The following SEMA3D variants were observed in gnomAD, a reference collection of about 807,000 sequenced individuals.
The protein encoded by SEMA3D is semaphorin 3D.
SEMA3D carries 84 observed loss-of-function variants against 100.1 expected under a neutral mutation model. The observed-to-expected ratio is 0.84, with a 90% CI of 0.70 to 1.01. SEMA3D has a LOEUF of 1.01. Ranked by LOEUF, SEMA3D falls within the 50% of genes least tolerant of loss-of-function variation. The pLI is 0.00. For missense variants in SEMA3D, 875 were observed against 934.1 expected (o/e 0.94, Z 0.82); for synonymous variants, 312 against 320.7 (o/e 0.97, Z 0.29).
chr7:85,085,668 AG>A, intron 4 of SEMA3D, among the ~76,000 whole-genome samples: 1 of 152,174 alleles, frequency 6.6e-6, no homozygotes, highest in East Asian at 1.9e-4. Flanking sequence ...CACCGTGCCC[AG>A]GGAGCACTGT....
chr7:85,055,677 TATATATATG>T, intron 9 of SEMA3D, 31 bp downstream of exon 9: 3 of 217,022 alleles, frequency 1.4e-5, no homozygotes, highest in Non-Finnish European at 2.4e-5. Flanking sequence ...TATATATATA[TATATATATG>T]TTTTAAGTAA....
the SEMA3D span, among the ~76,000 whole-genome samples, chr7:85,210,417 T>A: frequency 6.6e-6 from 1 of 152,066 alleles, no homozygotes; most frequent in Non-Finnish European, 1.5e-5. Flanking sequence ...TATTTGACAT[T>A]CCATAGTTAA....
At chr7:85,024,844 T>A (rs1344895721) in intron 12 of SEMA3D, among the ~76,000 whole-genome samples, 1 of 151,964 alleles carries the variant, frequency 6.6e-6, no homozygotes, top group Non-Finnish European at 1.5e-5. Flanking sequence ...ACCAGTGGAA[T>A]TTTTGCGTTG....
chr7:85,228,500 T>A, the SEMA3D span, among the ~76,000 whole-genome samples: 1 of 152,134 alleles, frequency 6.6e-6, no homozygotes, highest in Non-Finnish European at 1.5e-5. Context: ...GTCTAATATT[T>A]ACTTCCAATG....
chr7:85,180,350 G>A (rs2116573428), intron 1 of SEMA3D, among the ~76,000 whole-genome samples: 1 of 152,214 alleles, frequency 6.6e-6, no homozygotes, highest in South Asian at 2.1e-4. Flanking sequence ...TAAGTTTCCT[G>A]AGGCCTCCCC....
At chr7:85,136,638 C>T (rs1291651025) in intron 2 of SEMA3D, among the ~76,000 whole-genome samples, 4 of 152,010 alleles carry the variant, frequency 2.6e-5, no homozygotes, top group Non-Finnish European at 4.4e-5. Context: ...AAAGTAAAAT[C>T]ATTATGCATT....
chr7:85,114,325 A>C (rs1344266686), intron 3 of SEMA3D, among the ~76,000 whole-genome samples: 2 of 152,198 alleles, frequency 1.3e-5, no homozygotes, highest in Non-Finnish European at 2.9e-5. Context: ...GTAGATAGGA[A>C]AACTTGAAAT....
chr7:85,098,534 C>T (rs895099359), intron 3 of SEMA3D, among the ~76,000 whole-genome samples: 6 of 151,430 alleles, frequency 4.0e-5, no homozygotes, highest in South Asian at 2.1e-4. Context: ...TTTTTTGGAG[C>T]GGTTTTAGGC....
intron 17 of SEMA3D, among the ~76,000 whole-genome samples, chr7:85,007,810 T>C (rs997345237): frequency 1.3e-5 from 2 of 151,814 alleles, no homozygotes; most frequent in Non-Finnish European, 2.9e-5. Context: ...CTTAGCACTA[T>C]AGACATCAAC....
At chr7:85,046,595 A>C (rs188109432) in intron 9 of SEMA3D, among the ~76,000 whole-genome samples, 1 of 152,124 alleles carries the variant, frequency 6.6e-6, no homozygotes, top group East Asian at 1.9e-4. Context: ...ATGGATTATA[A>C]GCATTTAATG....
At chr7:85,058,474 G>C (rs1483602703) in intron 8 of SEMA3D, among the ~76,000 whole-genome samples, 3 of 151,920 alleles carry the variant, frequency 2.0e-5, no homozygotes, top group Non-Finnish European at 4.4e-5. Context: ...AGCACCTCTT[G>C]GTGTGGCTCA....
chr7:85,006,722 A>T, intron 18 of SEMA3D, 80 bp downstream of exon 18: 1 of 1,134,048 alleles, frequency 8.8e-7, no homozygotes, highest in Non-Finnish European at 1.2e-6. Flanking sequence ...TGAGAGTAGC[A>T]TACAGAATTA....
At chr7:85,078,580 A>G (rs1024292566) in intron 5 of SEMA3D, among the ~76,000 whole-genome samples, 1 of 152,154 alleles carries the variant, frequency 6.6e-6, no homozygotes, top group Non-Finnish European at 1.5e-5. Context: ...CTTTTGAATA[A>G]CTTTCCTCTA....
At chr7:85,042,877 G>C (rs1790902527) in intron 9 of SEMA3D, among the ~76,000 whole-genome samples, 1 of 152,096 alleles carries the variant, frequency 6.6e-6, no homozygotes, top group Non-Finnish European at 1.5e-5. Context: ...GGGAAAAAAA[G>C]TCTATAAAAT....
chr7:85,162,778 G>C (rs1011032267), intron 1 of SEMA3D, among the ~76,000 whole-genome samples: 4 of 152,126 alleles, frequency 2.6e-5, no homozygotes, highest in African/African-American at 9.7e-5. Flanking sequence ...AAAGAAACTT[G>C]ACAACGTCTT....
the SEMA3D span, among the ~76,000 whole-genome samples, chr7:85,203,182 A>T: frequency 2.2e-4 from 34 of 152,224 alleles, no homozygotes; most frequent in Admixed American, 1.8e-3. Context: ...AGAGAGCAGA[A>T]ATATGCGATA....
the SEMA3D span, among the ~76,000 whole-genome samples, chr7:85,223,255 G>A: frequency 1.3e-5 from 2 of 152,072 alleles, no homozygotes; most frequent in Non-Finnish European, 2.9e-5. Context: ...ATTCCTTAAA[G>A]CACTATTAGG....
chr7:85,234,986 T>C, the SEMA3D span, among the ~76,000 whole-genome samples: 1 of 152,146 alleles, frequency 6.6e-6, no homozygotes, highest in South Asian at 2.1e-4. Context: ...TCTCAGCAGC[T>C]TGGGGAGTGA....
Position 85,012,832 on chromosome 7 carries a change from T to C in SEMA3D, c.1718A>G (p.Gln573Arg). ...APTSKRRARRQDVKYGDPITQ... is the reference protein window; with the variant it reads ...APTSKRRARRRDVKYGDPITQ... ...GATTGGGTCGCCATATTTTACATCT[T>C]GGCGTCTAGCTCTCCTGCGGAAAGG... Residue 573 changes from glutamine to arginine, a missense_variant, in exon 17 of 19, where the codon CAA becomes CGA. Gln to Arg is a conservative substitution (Grantham distance 43, BLOSUM62 1). Coordinates refer to ENST00000284136, the MANE Select transcript of SEMA3D (RefSeq NM_001384900.1). The C allele has an allele frequency of 1.2e-6, 2 of 1,610,510 alleles. No individual in the cohort carries two copies. The highest frequency in any genetic ancestry group is 1.7e-6 in the Non-Finnish European group (2 of 1,177,562).
Sources: gnomAD v4.1 joint callset for allele counts (sites outside exome capture counted in the v4.1 genomes callset) on GRCh38, gnomAD v4.1.1 for gene constraint, MANE v1.5 for transcripts, NCBI Gene and HGNC (gene_info 2026-07-23, HGNC 2026-07-21) for gene names.